Variants in BLTP1 observed in about 807,000 individuals in gnomAD.
BLTP1 encodes the protein bridge-like lipid transfer protein family member 1, also known as fragile site-associated protein.
At chr4:122,179,654 A>C in the BLTP1 span, among the ~76,000 whole-genome samples, 5 of 152,208 alleles carry the variant, frequency 3.3e-5, no homozygotes, top group Non-Finnish European at 7.3e-5. Context: ...CCCATAGAAC[A>C]GAAACACAGG....
the BLTP1 span, chr4:122,254,452 T>C: frequency 7.8e-7 from 1 of 1,277,262 alleles, no homozygotes; most frequent in Non-Finnish European, 1.0e-6. Context: ...GTATATATAG[T>C]ATTAAGGTTG....
the BLTP1 span, among the ~76,000 whole-genome samples, chr4:122,361,048 C>A: frequency 3.3e-5 from 5 of 152,242 alleles, no homozygotes; most frequent in African/African-American, 1.2e-4. Context: ...TCAGTTGACT[C>A]ATGAAAAATT....
At chr4:122,178,161 G>A in the BLTP1 span, 1 of 851,200 alleles carries the variant, frequency 1.2e-6, no homozygotes, top group Non-Finnish European at 1.4e-6. Flanking sequence ...AATATGATAT[G>A]TTTCTATTCC....
the BLTP1 span, among the ~76,000 whole-genome samples, chr4:122,308,678 A>G: frequency 6.6e-6 from 1 of 152,074 alleles, no homozygotes; most frequent in Non-Finnish European, 1.5e-5. Context: ...ATTTTCAGGA[A>G]TATGTAACTG....
the BLTP1 span, chr4:122,234,743 G>GT: frequency 6.5e-6 from 10 of 1,538,324 alleles, no homozygotes; most frequent in African/African-American, 1.4e-5. Context: ...TTATGTTGTT[G>GT]TTTTTTGTTT....
the BLTP1 span, among the ~76,000 whole-genome samples, chr4:122,330,502 A>G: frequency 6.6e-6 from 1 of 151,888 alleles, no homozygotes; most frequent in South Asian, 2.1e-4. Flanking sequence ...CCTTTTCAAT[A>G]TACTTGTTGG....
the BLTP1 span, chr4:122,301,028 A>C: frequency 2.0e-6 from 2 of 978,414 alleles, no homozygotes; most frequent in African/African-American, 3.5e-5. Flanking sequence ...TTTCCCTCAA[A>C]TGTGTTTTCT....
chr4:122,209,286 A>G, the BLTP1 span: 1 of 1,612,968 alleles, frequency 6.2e-7, no homozygotes, highest in South Asian at 1.1e-5. Flanking sequence ...GCTGAGTGTC[A>G]AAGTGGCCAG....
the BLTP1 span, among the ~76,000 whole-genome samples, chr4:122,177,413 C>T: frequency 6.6e-6 from 1 of 152,202 alleles, no homozygotes; most frequent in Admixed American, 6.5e-5. Context: ...TCAACCTGCT[C>T]TTAATACACT....
chr4:122,286,480 G>A, the BLTP1 span: 1 of 1,589,070 alleles, frequency 6.3e-7, no homozygotes, highest in Non-Finnish European at 8.6e-7. Context: ...TTTGGAAAAA[G>A]TGAGGAATGA....
the BLTP1 span, chr4:122,229,268 G>A: frequency 6.4e-7 from 1 of 1,550,426 alleles, no homozygotes; most frequent in Non-Finnish European, 8.7e-7. Context: ...CTGGTGTAGT[G>A]CTTTTTCGTT....
chr4:122,313,579 C>T, the BLTP1 span: 1 of 1,486,482 alleles, frequency 6.7e-7, no homozygotes, highest in Non-Finnish European at 9.2e-7. Context: ...AATATATAGT[C>T]ACAAATGTAT....
the BLTP1 span, among the ~76,000 whole-genome samples, chr4:122,168,771 C>T: frequency 6.6e-6 from 1 of 152,078 alleles, no homozygotes; most frequent in African/African-American, 2.4e-5. Context: ...TCTTCTCTAG[C>T]TCCTGCGTTT....
At chr4:122,154,644 C>G in the BLTP1 span, among the ~76,000 whole-genome samples, 1 of 152,066 alleles carries the variant, frequency 6.6e-6, no homozygotes, top group African/African-American at 2.4e-5. Context: ...GAGGCCGAGG[C>G]GGGCGGATCA....
At chr4:122,286,490 A>C in the BLTP1 span, 6 of 1,603,478 alleles carry the variant, frequency 3.7e-6, no homozygotes, top group Non-Finnish European at 4.3e-6. Flanking sequence ...GTGAGGAATG[A>C]ATGAGTGAAT....
the BLTP1 span, chr4:122,318,112 A>G: frequency 1.3e-6 from 2 of 1,576,780 alleles, no homozygotes; most frequent in African/African-American, 1.4e-5. Context: ...TTTGTTATTT[A>G]TTTACAATAA....
chr4:122,338,093 G>C, the BLTP1 span, among the ~76,000 whole-genome samples: 1 of 151,874 alleles, frequency 6.6e-6, no homozygotes, highest in South Asian at 2.1e-4. Flanking sequence ...TTACATTCCA[G>C]AATTTTTAGC....
chr4:122,195,515 CA>C, the BLTP1 span: 1 of 151,862 alleles, frequency 6.6e-6, no homozygotes, highest in Non-Finnish European at 1.5e-5. Context: ...ATTCATAGGA[CA>C]GATGTAATGA....
chr4:122,185,124 C>T, the BLTP1 span: 1 of 982,956 alleles, frequency 1.0e-6, no homozygotes, highest in Non-Finnish European at 1.2e-6. Flanking sequence ...ATCTATATTC[C>T]TGTAGGAATG....
Sources: allele counts gnomAD v4.1 joint callset (sites outside exome capture counted in the v4.1 genomes callset), GRCh38; gene constraint gnomAD v4.1.1; transcripts MANE v1.5; gene names NCBI Gene and HGNC (gene_info 2026-07-23, HGNC 2026-07-21).